The following SPECC1L variants were observed in gnomAD, a reference collection of about 807,000 sequenced individuals.
The protein encoded by SPECC1L is cytospin-A.
SPECC1L carries 40 observed loss-of-function variants against 116.8 expected under a neutral mutation model. The observed-to-expected ratio is 0.34, with a 90% CI of 0.27 to 0.45. The LOEUF is 0.45. SPECC1L is among the 20% of genes least tolerant of loss of function. SPECC1L has a pLI of 1.00. For synonymous variants in SPECC1L, 504 were observed against 500.6 expected, an observed-to-expected ratio of 1.01 and a Z score of -0.09; for missense variants, 1,110 against 1,373.6, an observed-to-expected ratio of 0.81 and a Z score of 3.03.
intron 14 of SPECC1L, among the ~76,000 whole-genome samples, chr22:24,384,113 A>C: frequency 6.9e-6 from 1 of 145,104 alleles, no homozygotes; most frequent in South Asian, 2.1e-4. Context: ...TGAAAAAAAC[A>C]TAGTGTAATG....
chr22:24,354,707 G>A (rs555895129), intron 11 of SPECC1L, among the ~76,000 whole-genome samples: 2 of 149,226 alleles, frequency 1.3e-5, no homozygotes, highest in Admixed American at 1.3e-4. Flanking sequence ...TCACCCTGTC[G>A]CTGGAGTGCA....
chr22:24,299,090 G>C (rs892484215), intron 2 of SPECC1L, among the ~76,000 whole-genome samples: 2 of 152,034 alleles, frequency 1.3e-5, no homozygotes, highest in African/African-American at 4.8e-5. Context: ...TAGAGATGTG[G>C]ATTTCTGACC....
intron 10 of SPECC1L, among the ~76,000 whole-genome samples, chr22:24,339,506 CA>C (rs2041128095): frequency 6.6e-6 from 1 of 152,204 alleles, no homozygotes; most frequent in Non-Finnish European, 1.5e-5. Flanking sequence ...CAGTAGTGCT[CA>C]AGAGGCCGCT....
At position 24,322,270 on chromosome 22, in the gene SPECC1L, A is replaced by C; in HGVS notation, c.1290A>C (p.Glu430Asp). The stretch of plus-strand genomic sequence containing the variant: ...CTGATTTACAGCAGATTACCCAGGA[A>C]CTGAATAGTGAAAACGAAAGGCTTG... ...ELADLQQITQ[E>D]LNSENERLGE... Residue 430 changes from glutamate (E) to aspartate (D), a missense_variant, in exon 5 of 17, where the codon GAA (glutamate) becomes GAC (aspartate). This residue lies in a region of SPECC1L where 22 missense variants were observed against 60.1 expected (regional missense o/e 0.37). Coordinates refer to ENST00000314328, the MANE Select transcript of SPECC1L (RefSeq NM_015330.6). 1 of 1,614,256 alleles carries C rather than the reference A, an allele frequency of 6.2e-7. No homozygotes were observed. Among genetic ancestry groups the C allele is most frequent in the Non-Finnish European group, 8.5e-7 (1 of 1,180,048 alleles).
chr22:24,397,570 A>G (rs1192842653), intron 14 of SPECC1L, among the ~76,000 whole-genome samples: 1 of 152,238 alleles, frequency 6.6e-6, no homozygotes, highest in African/African-American at 2.4e-5. Flanking sequence ...TGATGCATTC[A>G]GAAAGTGCAT....
chr22:24,366,343 G>A (rs568941786), intron 13 of SPECC1L, among the ~76,000 whole-genome samples: 10 of 152,030 alleles, frequency 6.6e-5, no homozygotes, highest in Non-Finnish European at 1.5e-4. Flanking sequence ...ACAGGCGCCT[G>A]CCACCTCGCC....
chr22:24,344,038 G>A (rs769688857), intron 10 of SPECC1L, among the ~76,000 whole-genome samples: 61 of 152,230 alleles, frequency 4.0e-4, no homozygotes, highest in Non-Finnish European at 8.2e-4. Flanking sequence ...AATCCTTTGT[G>A]GAAGAAATAA....
rs377453276 is a variant in SPECC1L at position 24,313,428 on chromosome 22, C to T, written c.269C>T (p.Ala90Val). The part of the protein sequence containing the change: ...PSAAPSASAP[A>V]MTTVENKSKI... ...GCAGCACCTTCAGCATCTGCCCCTG[C>T]CATGACCACCGTGGAGAACAAATCC... The change falls in exon 4 of 17, where the codon GCC (alanine) becomes GTC (valine). Residue 90 changes from alanine (A) to valine (V), a missense_variant. Coordinates refer to ENST00000314328, the MANE Select transcript of SPECC1L (RefSeq NM_015330.6). 2 of 1,614,010 alleles carry T rather than the reference C, an allele frequency of 1.2e-6. No homozygotes were observed. The highest frequency in any genetic ancestry group is 2.7e-5 in the African/African-American group (2 of 74,914).
intron 14 of SPECC1L, among the ~76,000 whole-genome samples, chr22:24,395,898 C>T (rs1329868430): frequency 6.6e-6 from 1 of 152,136 alleles, no homozygotes; most frequent in Non-Finnish European, 1.5e-5. Context: ...TTTGAGAACC[C>T]CCTTGGCCTC....
chr22:24,275,197 G>A (rs1157313838), intron 1 of SPECC1L, among the ~76,000 whole-genome samples: 3 of 152,268 alleles, frequency 2.0e-5, no homozygotes, highest in African/African-American at 7.2e-5. Context: ...GAGACCGTAA[G>A]TGTGTGGCTT....
chr22:24,353,776 G>C (rs1308913847), intron 11 of SPECC1L, among the ~76,000 whole-genome samples: 1 of 152,164 alleles, frequency 6.6e-6, no homozygotes, highest in Non-Finnish European at 1.5e-5. Flanking sequence ...TTTATCAGGG[G>C]TACATGAGAT....
rs1214405203 is a variant in SPECC1L at position 24,386,593 on chromosome 22, A to ATTG, written c.3087+17276_3087+17278dup. 3.3e-5 allele frequency among the ~76,000 whole-genome samples: 5 copies of ATTG among 150,078 alleles called. No homozygotes were observed. In the East Asian group the frequency reaches 9.7e-4, roughly 29 times the overall value. On this transcript the variant is annotated intron_variant, in intron 14 of 16. Coordinates refer to ENST00000314328, the MANE Select transcript of SPECC1L (RefSeq NM_015330.6). The stretch of plus-strand genomic sequence containing the variant: ...AAATTTTCAGGATCTAATTATTATT[A>ATTG]TTGTTATTATTATTATTATTATTAT...
At chr22:24,357,539 A>G (rs1391570841) in intron 11 of SPECC1L, among the ~76,000 whole-genome samples, 3 of 152,096 alleles carry the variant, frequency 2.0e-5, no homozygotes, top group African/African-American at 2.4e-5. Context: ...GGCTTTTTGT[A>G]TATTTTACAA....
chr22:24,342,920 C>T (rs999493069), intron 10 of SPECC1L, among the ~76,000 whole-genome samples: 4 of 151,578 alleles, frequency 2.6e-5, no homozygotes, highest in South Asian at 2.1e-4. Flanking sequence ...AGGCTGGGCG[C>T]AGTGGCTCAC....
At chr22:24,354,341 T>C (rs1056464880) in intron 11 of SPECC1L, among the ~76,000 whole-genome samples, 14 of 152,250 alleles carry the variant, frequency 9.2e-5, no homozygotes, top group African/African-American at 3.1e-4. Context: ...TACCGTGGTG[T>C]TTCAGTGGTG....
intron 2 of SPECC1L, among the ~76,000 whole-genome samples, chr22:24,290,221 C>T (rs986110802): frequency 6.6e-6 from 1 of 152,186 alleles, no homozygotes; most frequent in Non-Finnish European, 1.5e-5. Flanking sequence ...TGGGTTAAAG[C>T]AGAAAGGAGC....
intron 2 of SPECC1L, among the ~76,000 whole-genome samples, chr22:24,293,657 C>T (rs561057105): frequency 6.7e-6 from 1 of 149,982 alleles, no homozygotes; most frequent in Non-Finnish European, 1.5e-5. Flanking sequence ...GAGCTCTGTG[C>T]TTGCCAGACC....
intron 14 of SPECC1L, among the ~76,000 whole-genome samples, chr22:24,380,585 A>G (rs2042046959): frequency 6.6e-6 from 1 of 152,228 alleles, no homozygotes; most frequent in African/African-American, 2.4e-5. Flanking sequence ...AATTTCATTA[A>G]GCATCCATTA....
chr22:24,302,069 C>A, intron 2 of SPECC1L, 126 bp from the exon 3 acceptor site: 8 of 752,124 alleles, frequency 1.1e-5, no homozygotes, highest in South Asian at 5.1e-5. Context: ...AATTTTTTTT[C>A]AACTTTTCTG....
Sources: allele counts gnomAD v4.1 joint callset (sites outside exome capture counted in the v4.1 genomes callset), GRCh38; gene constraint gnomAD v4.1.1; regional missense constraint gnomAD v4.1.1; transcripts MANE v1.5; gene names NCBI Gene and HGNC (gene_info 2026-07-23, HGNC 2026-07-21).